Variants in BTG4 observed in about 807,000 individuals in gnomAD.
BTG4 encodes BTG anti-proliferation factor 4.
A neutral mutation model predicts 19.3 loss-of-function variants in BTG4; 10 were observed. The ratio of observed to expected loss-of-function variants is 0.52; its 90% CI spans 0.32 to 0.88. BTG4 has a LOEUF of 0.88. Among genes scored for constraint, BTG4 ranks in the 40% least tolerant of loss-of-function variants. The probability of loss-of-function intolerance (pLI) is 0.04; values close to 1 mark genes in which losing one functional copy is unlikely to be tolerated. For synonymous variants in BTG4, 91 were observed against 95.7 expected, an observed-to-expected ratio of 0.95 and a Z score of 0.29; for missense variants, 238 against 281.9, an observed-to-expected ratio of 0.84 and a Z score of 1.11.
At chr11:111,466,078 A>T (rs1453536346), downstream of BTG4, among the ~76,000 whole-genome samples, 1 of 152,132 alleles carries the variant, frequency 6.6e-6, no homozygotes, top group Non-Finnish European at 1.5e-5. Flanking sequence ...GTAATTTTAT[A>T]TACATTATCT....
chr11:111,407,783 C>T, the BTG4 span, among the ~76,000 whole-genome samples: 1 of 152,242 alleles, frequency 6.6e-6, no homozygotes, highest in Non-Finnish European at 1.5e-5. Context: ...CACCTTTTGA[C>T]TGCAAAAGCT....
chr11:111,428,558 A>C, the BTG4 span, among the ~76,000 whole-genome samples: 3 of 152,136 alleles, frequency 2.0e-5, no homozygotes, highest in African/African-American at 7.2e-5. Context: ...ACCTGGGGAG[A>C]AAAACAATCA....
At chr11:111,396,779 T>C in the BTG4 span, 1 of 152,278 alleles carries the variant, frequency 6.6e-6, no homozygotes, top group Non-Finnish European at 1.5e-5. Flanking sequence ...CGCATGTTGC[T>C]TGAATCTTCA....
downstream of BTG4, chr11:111,462,912 C>T (rs1400298633): frequency 1.3e-5 from 2 of 152,744 alleles, no homozygotes; most frequent in African/African-American, 4.8e-5. Context: ...CCTCCCACAT[C>T]ATCAGATGTG....
downstream of BTG4, among the ~76,000 whole-genome samples, chr11:111,491,843 T>C (rs1055557690): frequency 6.6e-6 from 1 of 152,164 alleles, no homozygotes; most frequent in Admixed American, 6.5e-5. Flanking sequence ...AATTTGGTTA[T>C]TATACAAATA....
intron 5 of BTG4, among the ~76,000 whole-genome samples, chr11:111,475,774 G>A (rs1864361895): frequency 6.6e-6 from 1 of 152,268 alleles, no homozygotes; most frequent in Non-Finnish European, 1.5e-5. Context: ...TGCTAATAAA[G>A]ACATGCTTCA....
At chr11:111,406,457 G>A in the BTG4 span, among the ~76,000 whole-genome samples, 1 of 152,340 alleles carries the variant, frequency 6.6e-6, no homozygotes, top group African/African-American at 2.4e-5. Flanking sequence ...TGTGCCCAGT[G>A]TCTTGCCTCT....
the BTG4 span, among the ~76,000 whole-genome samples, chr11:111,396,077 C>T: frequency 6.6e-6 from 1 of 152,200 alleles, no homozygotes; most frequent in East Asian, 1.9e-4. Context: ...AGGATGGTGG[C>T]AGGTGGCCAT....
chr11:111,440,731 T>C, the BTG4 span, among the ~76,000 whole-genome samples: 3 of 152,240 alleles, frequency 2.0e-5, no homozygotes, highest in Non-Finnish European at 2.9e-5. Flanking sequence ...GAGGCGAAGA[T>C]GCTGCCCCAA....
chr11:111,404,779 T>C, the BTG4 span: 2 of 413,434 alleles, frequency 4.8e-6, no homozygotes, highest in South Asian at 1.8e-5. Flanking sequence ...GGAGCTTTGA[T>C]ATAAAGACCA....
At chr11:111,399,033 T>C in the BTG4 span, 1 of 152,210 alleles carries the variant, frequency 6.6e-6, no homozygotes, top group Non-Finnish European at 1.5e-5. Context: ...CTGAAGATCC[T>C]AGACCAAGAG....
At chr11:111,499,851 C>A (rs1306083856) in intron 1 of BTG4, among the ~76,000 whole-genome samples, 1 of 152,104 alleles carries the variant, frequency 6.6e-6, no homozygotes, top group Non-Finnish European at 1.5e-5. Context: ...GTTAAAAATT[C>A]AGATTCTTGG....
At chr11:111,400,730 A>T in the BTG4 span, among the ~76,000 whole-genome samples, 1 of 152,184 alleles carries the variant, frequency 6.6e-6, no homozygotes, top group East Asian at 1.9e-4. Flanking sequence ...CCATGGAGAG[A>T]CCTAGCAGAC....
the BTG4 span, among the ~76,000 whole-genome samples, chr11:111,384,142 T>G: frequency 6.6e-6 from 1 of 152,232 alleles, no homozygotes; most frequent in African/African-American, 2.4e-5. Flanking sequence ...TCTTTCTAGG[T>G]AGAAGACAAT....
intron 5 of BTG4, chr11:111,469,686 C>A (rs1674499170): frequency 6.6e-6 from 1 of 152,654 alleles, no homozygotes; most frequent in African/African-American, 2.4e-5. Flanking sequence ...TGAGAACTCT[C>A]AAGCCCCATT....
At chr11:111,406,523 A>C in the BTG4 span, among the ~76,000 whole-genome samples, 1 of 152,138 alleles carries the variant, frequency 6.6e-6, no homozygotes, top group African/African-American at 2.4e-5. Flanking sequence ...TCTTACTTTA[A>C]TCATCTTTGT....
intron 1 of BTG4, among the ~76,000 whole-genome samples, chr11:111,507,151 G>A (rs1866513242): frequency 6.6e-6 from 1 of 151,652 alleles, no homozygotes; most frequent in South Asian, 2.1e-4. Flanking sequence ...TGATGTTTAA[G>A]AGGATGGCAT....
chr11:111,513,596 C>A, upstream of BTG4: 2 of 438,740 alleles, frequency 4.6e-6, no homozygotes, highest in East Asian at 6.9e-5. Context: ...TGATTTCATC[C>A]ATTGCCTATT....
chr11:111,450,317 A>G, the BTG4 span: 1 of 152,572 alleles, frequency 6.6e-6, no homozygotes, highest in Non-Finnish European at 1.5e-5. Context: ...GGAAGATCTG[A>G]CACTGCCTCT....
Sources: gnomAD v4.1 joint callset for allele counts (sites outside exome capture counted in the v4.1 genomes callset) on GRCh38, gnomAD v4.1.1 for gene constraint, MANE v1.5 for transcripts, NCBI Gene and HGNC (gene_info 2026-07-23, HGNC 2026-07-21) for gene names.